Variants in KLHDC10 observed in about 807,000 individuals in gnomAD.
The protein encoded by KLHDC10 is kelch domain containing 10.
KLHDC10 carries 24 observed loss-of-function variants against 56.1 expected under a neutral mutation model. The observed-to-expected ratio is 0.43, with a 90% CI of 0.31 to 0.60. The LOEUF (loss-of-function observed/expected upper bound fraction) is 0.60, where lower values mean the gene tolerates loss of function less well. Among genes scored for constraint, KLHDC10 ranks in the 20% least tolerant of loss-of-function variants. KLHDC10 has a pLI of 0.11. For missense variants in KLHDC10, 349 were observed against 567.0 expected, an observed-to-expected ratio of 0.62 and a Z score of 3.91; for synonymous variants, 188 against 207.1, an observed-to-expected ratio of 0.91 and a Z score of 0.79.
chr7:130,083,432 T>C (rs1388524674), intron 1 of KLHDC10, among the ~76,000 whole-genome samples: 1 of 152,222 alleles, frequency 6.6e-6, no homozygotes, highest in Non-Finnish European at 1.5e-5. Flanking sequence ...GTATTTTCAG[T>C]TAGTTGCCTT....
At chr7:130,122,442 T>C (rs769458563) in intron 5 of KLHDC10, among the ~76,000 whole-genome samples, 4 of 152,236 alleles carry the variant, frequency 2.6e-5, no homozygotes, top group Non-Finnish European at 5.9e-5. Context: ...TCTTATACTT[T>C]AGTCTCTCTG....
In KLHDC10 at chr7:130,124,457, A is replaced by T; in HGVS notation, c.786A>T (p.Arg262=). ...TTTTATTGTAAATTTTCAGATACCG[A>T]CATGAAATTGCACATGACGGGCAGA... The part of the protein sequence containing the change: ...LSCDLPEERY[R]HEIAHDGQRI... Residue 262 remains arginine, a synonymous_variant, in exon 6 of 10, where the codon CGA becomes CGT. Transcript: ENST00000335420. The T allele has an allele frequency of 6.3e-7, 1 of 1,589,992 alleles. No homozygotes were observed. The highest frequency in any genetic ancestry group is 8.6e-7 in the Non-Finnish European group (1 of 1,159,148).
At chr7:130,128,892 ATATATATATATAT>A (rs1796354649) in intron 8 of KLHDC10, among the ~76,000 whole-genome samples, 2 of 58,926 alleles carry the variant, frequency 3.4e-5, no homozygotes, top group East Asian at 9.3e-4. Context: ...AAAAAAAAAT[ATATATATATATAT>A]ATATATATAT....
chr7:130,128,660 T>A (rs1372173181), intron 8 of KLHDC10, among the ~76,000 whole-genome samples: 1 of 151,934 alleles, frequency 6.6e-6, no homozygotes, highest in Non-Finnish European at 1.5e-5. Flanking sequence ...CAGATAAATG[T>A]ATATTCTTTC....
intron 1 of KLHDC10, among the ~76,000 whole-genome samples, chr7:130,092,246 T>C (rs1795785030): frequency 6.6e-6 from 1 of 152,260 alleles, no homozygotes; most frequent in South Asian, 2.1e-4. Flanking sequence ...TTTGATATTC[T>C]GGGTTTCTTG....
intron 1 of KLHDC10, among the ~76,000 whole-genome samples, chr7:130,080,067 A>G (rs1246888594): frequency 6.6e-6 from 1 of 151,758 alleles, no homozygotes; most frequent in Non-Finnish European, 1.5e-5. Context: ...TTAGCCTCCT[A>G]AGTAGCTAGG....
intron 4 of KLHDC10, among the ~76,000 whole-genome samples, chr7:130,121,428 C>T (rs1311071305): frequency 6.6e-6 from 1 of 152,206 alleles, no homozygotes; most frequent in Non-Finnish European, 1.5e-5. Context: ...ACATCAGAGA[C>T]TCTTTGAGAG....
chr7:130,070,564 A>G lies in KLHDC10; in HGVS notation c.-80A>G. On this transcript the variant is annotated 5_prime_UTR_variant, in exon 1 of 10. Transcript: ENST00000335420. ...CTTCCCCTGTCTCCTGGGTCTCTGG[A>G]GGAGCCCAGGAAGGAGGCTCCGCTG... 8.1e-7 allele frequency: 1 copy of G among 1,230,902 alleles called. No individual in the cohort carries two copies. Among genetic ancestry groups the G allele is most frequent in the Non-Finnish European group, 1.0e-6 (1 of 973,100 alleles). 76.2% of individuals were successfully genotyped at this position (1,230,902 alleles called of 1,614,324 possible).
In KLHDC10 at chr7:130,130,252, GGA is replaced by G. The variant is rs1283332394; in HGVS notation, c.1120-281_1120-280del. Among the ~76,000 whole-genome samples, 28 of 150,926 alleles carry G rather than the reference GGA, an allele frequency of 1.9e-4. No homozygotes were observed. Among genetic ancestry groups the G allele is most frequent in the East Asian group, 3.9e-4 (2 of 5,138 alleles). On this transcript the variant is annotated intron_variant, in intron 9 of 9. Transcript: ENST00000335420. The surrounding 1 kb of genome is among the most constrained non-coding windows in gnomAD (Gnocchi z 4.2). ...GGAGAATGGCGTGAACCCGGGAGGC[GGA>G]GAGCTTGCAGTGAGCTGAAATTGCG...
chr7:130,123,061 G>A (rs567402154), intron 5 of KLHDC10, among the ~76,000 whole-genome samples: 1 of 138,890 alleles, frequency 7.2e-6, no homozygotes, highest in East Asian at 2.1e-4. Flanking sequence ...GGATGGAAAG[G>A]TCATTCATTT....
intron 1 of KLHDC10, among the ~76,000 whole-genome samples, chr7:130,079,300 C>T (rs570100380): frequency 6.6e-6 from 1 of 152,180 alleles, no homozygotes; most frequent in African/African-American, 2.4e-5. Context: ...TCAAGTGATT[C>T]GCCCACCTCG....
intron 1 of KLHDC10, among the ~76,000 whole-genome samples, chr7:130,072,098 C>G (rs548435400): frequency 2.0e-5 from 3 of 151,970 alleles, no homozygotes; most frequent in Non-Finnish European, 4.4e-5. Context: ...CGATCTTTAA[C>G]ATGAAAAAGA....
chr7:130,070,697 C>T lies in KLHDC10; in HGVS notation c.54C>T (p.Ala18=), dbSNP rs940236622. The T allele has an allele frequency of 8.5e-6, 11 of 1,288,590 alleles. No individual in the cohort carries two copies. The East Asian group carries it at 1.2e-4, about 14-fold the overall frequency. 79.8% of individuals were successfully genotyped at this position (1,288,590 alleles called of 1,614,324 possible). The change falls in exon 1 of 10, where the codon GCC becomes GCT. Residue 18 remains alanine (A), a synonymous_variant. Transcript: ENST00000335420. ...ACCGCCGGAGGGGAGGAGGCGCCGCCGGCGCTGGTGGCGGAGGTAGCGGGG... is the reference window on the plus strand; with the variant it reads ...ACCGCCGGAGGGGAGGAGGCGCCGCTGGCGCTGGTGGCGGAGGTAGCGGGG... The part of the protein sequence containing the change: ...DRNRRRGGGA[A]GAGGGGSGAG...
rs1405437913 is a variant in KLHDC10 at position 130,108,572 on chromosome 7, A to AAAAAAAAAAAAAT, written c.254-7872_254-7871insAAAAAAAAAAATA. On this transcript the variant is annotated intron_variant, in intron 2 of 9. Coordinates refer to ENST00000335420, the MANE Select transcript of KLHDC10 (RefSeq NM_014997.4). Reference sequence around the variant, plus strand: ...CCAAATATCCAAAAAAAAAAAAAAAAAGCTGGGCGTGGTGGTGCGCGCCTG... The same window carrying AAAAAAAAAAAAAT: ...CCAAATATCCAAAAAAAAAAAAAAAAAAAAAAAAAAAATAGCTGGGCGTGGTGGTGCGCGCCTG... Among the ~76,000 whole-genome samples the AAAAAAAAAAAAAT allele has an allele frequency of 2.7e-3, 392 of 144,022 alleles. 6 individuals carry two copies. The highest frequency in any genetic ancestry group is 9.7e-3 in the African/African-American group (369 of 38,170). 94.5% of individuals were successfully genotyped at this position (144,022 alleles called of 152,430 possible).
At chr7:130,124,293 TTC>T (rs2116914875) in intron 5 of KLHDC10, among the ~76,000 whole-genome samples, 156 bp from the exon 6 acceptor site, 1 of 152,312 alleles carries the variant, frequency 6.6e-6, no homozygotes, top group African/African-American at 2.4e-5. Context: ...TTTATGTATA[TTC>T]TGTAAGTCAT....
intron 1 of KLHDC10, among the ~76,000 whole-genome samples, chr7:130,072,916 A>C (rs1324163303): frequency 6.6e-6 from 1 of 151,838 alleles, no homozygotes; most frequent in Non-Finnish European, 1.5e-5. Context: ...CCACCACGCC[A>C]GGCTAGTTTT....
At chr7:130,070,844 G>C in intron 1 of KLHDC10, 35 bp downstream of exon 1, 1 of 1,289,574 alleles carries the variant, frequency 7.8e-7, no homozygotes. Flanking sequence ...CCGCTTGCGG[G>C]CGGGAAGGTG....
intron 1 of KLHDC10, among the ~76,000 whole-genome samples, chr7:130,077,336 T>C (rs1795519409): frequency 1.2e-5 from 1 of 83,660 alleles, no homozygotes; most frequent in Non-Finnish European, 2.1e-5. Flanking sequence ...CCTGGGTGAC[T>C]GAACAAGACT....
chr7:130,119,099 C>T (rs1212985473), intron 3 of KLHDC10, among the ~76,000 whole-genome samples: 3 of 151,672 alleles, frequency 2.0e-5, no homozygotes, highest in East Asian at 1.9e-4. Flanking sequence ...GTCCCAGCTA[C>T]CTGGACATCT....
Sources: gnomAD v4.1 joint callset for allele counts (sites outside exome capture counted in the v4.1 genomes callset) on GRCh38, gnomAD v4.1.1 for gene constraint, Gnocchi (gnomAD v3.1) non-coding constraint, MANE v1.5 for transcripts, NCBI Gene and HGNC (gene_info 2026-07-23, HGNC 2026-07-21) for gene names.